Variants in LARGE1 observed in about 807,000 individuals in gnomAD.
LARGE1 encodes xylosyl- and glucuronyltransferase LARGE1.
LARGE1 carries 43 observed loss-of-function variants against 87.6 expected under a neutral mutation model. The observed-to-expected ratio is 0.49, with a 90% CI of 0.38 to 0.63. The LOEUF is 0.63. Ranked by LOEUF, LARGE1 falls within the 30% of genes least tolerant of loss-of-function variation. LARGE1 has a pLI of 0.00. For synonymous variants in LARGE1, 434 were observed against 394.6 expected (o/e 1.10, Z -1.18); for missense variants, 802 against 1,000.2 (o/e 0.80, Z 2.67).
chr22:33,253,391 G>C (rs1927099888), intron 11 of LARGE1, among the ~76,000 whole-genome samples: 1 of 152,184 alleles, frequency 6.6e-6, no homozygotes, highest in Non-Finnish European at 1.5e-5. Flanking sequence ...ACGCCTCTGA[G>C]ACTGTAAGTA....
chr22:33,904,799 A>G (rs1199547212), intron 1 of LARGE1, among the ~76,000 whole-genome samples: 2 of 152,176 alleles, frequency 1.3e-5, no homozygotes, highest in Admixed American at 1.3e-4. Context: ...ACACGATCAC[A>G]TGACTAGCTA....
chr22:33,522,206 T>C (rs1372645917), intron 6 of LARGE1, among the ~76,000 whole-genome samples: 1 of 152,150 alleles, frequency 6.6e-6, no homozygotes, highest in Non-Finnish European at 1.5e-5. Context: ...AGCCCTTAGC[T>C]GCTGAGCTAC....
At chr22:33,711,373 A>G (rs892412034) in intron 2 of LARGE1, among the ~76,000 whole-genome samples, 3 of 152,200 alleles carry the variant, frequency 2.0e-5, no homozygotes, top group Non-Finnish European at 2.9e-5. Flanking sequence ...CCTCTGCTAT[A>G]CTACGCCTCA....
At chr22:33,179,435 G>C (rs543613786) in intron 11 of LARGE1, among the ~76,000 whole-genome samples, 1 of 152,184 alleles carries the variant, frequency 6.6e-6, no homozygotes, top group Admixed American at 6.5e-5. Context: ...AATAGCCCTG[G>C]GAAATATAAA....
intron 1 of LARGE1, among the ~76,000 whole-genome samples, chr22:33,785,123 GCATATATGTGTATACATACATATGTGTA>G (rs2085579669): frequency 5.6e-5 from 2 of 35,926 alleles, no homozygotes; most frequent in African/African-American, 1.2e-4. Context: ...ATGTGTATAT[GCATATATGTGTATACATACATATGTGTA>G]TATACATATA....
chr22:33,539,434 G>A (rs916661605), intron 6 of LARGE1, among the ~76,000 whole-genome samples: 1 of 152,104 alleles, frequency 6.6e-6, no homozygotes, highest in Non-Finnish European at 1.5e-5. Flanking sequence ...AGGCCCAATG[G>A]GGTAAATAAC....
At chr22:33,390,561 G>A (rs1004750587) in intron 7 of LARGE1, among the ~76,000 whole-genome samples, 4 of 152,224 alleles carry the variant, frequency 2.6e-5, no homozygotes, top group South Asian at 2.1e-4. Flanking sequence ...AATGTCACAC[G>A]TGTGCTCGGC....
chr22:33,845,856 T>C (rs12165833), intron 1 of LARGE1, among the ~76,000 whole-genome samples: 3,581 of 152,248 alleles, frequency 0.024, 144 homozygotes, highest in African/African-American at 0.081. Flanking sequence ...ATCCGCGATA[T>C]ACTATCATCT....
At chr22:33,409,289 G>T (rs542407500) in intron 7 of LARGE1, among the ~76,000 whole-genome samples, 1 of 140,216 alleles carries the variant, frequency 7.1e-6, no homozygotes, top group South Asian at 2.2e-4. Context: ...ACCCTGAGAC[G>T]GAAGGAGGAG....
In LARGE1 at chr22:33,753,984, C is replaced by A. The variant is rs149010167; in HGVS notation, c.106+7387G>T. On this transcript the variant is annotated intron_variant, in intron 2 of 14. Coordinates refer to ENST00000397394, the MANE Select transcript of LARGE1 (RefSeq NM_133642.5). ...GGCTGAGACAGGAGAATTGCTTGAA[C>A]CTGGGAGGCGGAGGTTGCAATGAGC... Among the ~76,000 whole-genome samples the A allele has an allele frequency of 4.1e-3, 624 of 152,174 alleles. 3 individuals are homozygous for A. Among genetic ancestry groups the A allele is most frequent in the African/African-American group, 0.015 (604 of 41,510 alleles).
At position 33,391,285 on chromosome 22, in the gene LARGE1, C is replaced by T. The variant is rs527461183; in HGVS notation, c.893-6981G>A. 2.5e-3 allele frequency among the ~76,000 whole-genome samples: 387 copies of T among 152,222 alleles called. 4 individuals are homozygous for T. The highest frequency in any genetic ancestry group is 8.9e-3 in the African/African-American group (369 of 41,538). On this transcript the variant is annotated intron_variant, in intron 7 of 14. Transcript: ENST00000397394. ...ACTGGGGACTTGGAAGTTTTTAAAA[C>T]ACAGTCCTTGTTCTCAGGGAGCAAG...
intron 1 of LARGE1, among the ~76,000 whole-genome samples, chr22:33,788,155 T>C (rs2085711373): frequency 6.6e-6 from 1 of 152,144 alleles, no homozygotes; most frequent in South Asian, 2.1e-4. Context: ...CAGGTGGAGA[T>C]AAGTGAATCA....
At chr22:33,413,779 T>A (rs561254406) in intron 7 of LARGE1, among the ~76,000 whole-genome samples, 1 of 152,334 alleles carries the variant, frequency 6.6e-6, no homozygotes, top group Non-Finnish European at 1.5e-5. Context: ...GGGGGCTTTT[T>A]AAAACTGCCC....
chr22:33,172,194 C>T (rs1388029323), intron 11 of LARGE1, among the ~76,000 whole-genome samples: 2 of 152,232 alleles, frequency 1.3e-5, no homozygotes, highest in Non-Finnish European at 2.9e-5. Flanking sequence ...GAATATTTAC[C>T]AATGCCTGTA....
At chr22:33,243,142 T>C (rs758241059) in intron 11 of LARGE1, among the ~76,000 whole-genome samples, 2 of 152,190 alleles carry the variant, frequency 1.3e-5, no homozygotes, top group South Asian at 4.1e-4. Context: ...TGAATTTGCA[T>C]GGGGGGCAGT....
chr22:33,416,830 C>T (rs2066507894), intron 7 of LARGE1, among the ~76,000 whole-genome samples: 2 of 150,590 alleles, frequency 1.3e-5, no homozygotes, highest in African/African-American at 4.9e-5. Context: ...TCTTGAACTC[C>T]TGACCTTGTG....
At chr22:33,104,905 TTCTTTC>T in the LARGE1 span, among the ~76,000 whole-genome samples, 1 of 53,708 alleles carries the variant, frequency 1.9e-5, no homozygotes, top group Non-Finnish European at 5.1e-5. Flanking sequence ...CTTTCTTTCT[TTCTTTC>T]TTTCTTTCTT....
chr22:33,238,409 G>C (rs192345971), intron 11 of LARGE1, among the ~76,000 whole-genome samples: 1 of 152,214 alleles, frequency 6.6e-6, no homozygotes, highest in Admixed American at 6.5e-5. Context: ...TAATCATAGG[G>C]CGTGATTTGA....
At chr22:33,630,839 A>C (rs1291990630) in intron 3 of LARGE1, among the ~76,000 whole-genome samples, 1 of 151,144 alleles carries the variant, frequency 6.6e-6, no homozygotes, top group African/African-American at 2.5e-5. Context: ...TACAAATTTA[A>C]AATTTTTTTT....
Sources: gnomAD v4.1 joint callset for allele counts (sites outside exome capture counted in the v4.1 genomes callset) on GRCh38, gnomAD v4.1.1 for gene constraint, MANE v1.5 for transcripts, NCBI Gene and HGNC (gene_info 2026-07-23, HGNC 2026-07-21) for gene names.